Variants in TEKT3 observed in about 807,000 individuals in gnomAD.
TEKT3 encodes the protein tektin-3.
A neutral mutation model predicts 49.8 loss-of-function variants in TEKT3; 49 were observed. The ratio of observed to expected loss-of-function variants is 0.98; its 90% CI spans 0.78 to 1.25. The LOEUF (loss-of-function observed/expected upper bound fraction) is 1.25. TEKT3 is among the 50% of genes most tolerant of loss of function. The pLI is 0.00. For missense variants in TEKT3, 595 were observed against 629.5 expected, an observed-to-expected ratio of 0.95 and a Z score of 0.59; for synonymous variants, 225 against 237.2, an observed-to-expected ratio of 0.95 and a Z score of 0.47.
chr17:15,325,741 G>T (rs182437183), intron 4 of TEKT3, among the ~76,000 whole-genome samples: 14 of 152,314 alleles, frequency 9.2e-5, no homozygotes, highest in African/African-American at 3.1e-4. Flanking sequence ...GAACTGCCTT[G>T]TAATTTATTT....
Position 15,331,264 on chromosome 17 carries a change from G to T in TEKT3, c.322C>A (p.Gln108Lys). Residue 108 changes from glutamine to lysine, a missense_variant, in exon 3 of 9, where the codon CAA becomes AAA. Transcript: ENST00000395930. Reference sequence around the variant, plus strand: ...TTATGTCGGGAAGTGTTGGACTCTTGATAGTTGGTTAAATTGGACCTGTAC... The same window carrying T: ...TTATGTCGGGAAGTGTTGGACTCTTTATAGTTGGTTAAATTGGACCTGTAC... ...DWYRSNLTNYQESNTSRHNSE... is the reference protein window; with the variant it reads ...DWYRSNLTNYKESNTSRHNSE... The T allele has an allele frequency of 1.2e-6, 2 of 1,614,182 alleles. No homozygotes were observed. Among genetic ancestry groups the T allele is most frequent in the South Asian group, 1.1e-5 (1 of 91,090 alleles).
intron 5 of TEKT3, among the ~76,000 whole-genome samples, chr17:15,315,479 G>A (rs1375372758): frequency 6.6e-6 from 1 of 152,072 alleles, no homozygotes; most frequent in Non-Finnish European, 1.5e-5. Flanking sequence ...AGATGAAGGC[G>A]GCTTGGACCA....
upstream of TEKT3, among the ~76,000 whole-genome samples, chr17:15,342,825 G>T (rs1409274326): frequency 2.6e-5 from 4 of 152,154 alleles, no homozygotes; most frequent in African/African-American, 9.7e-5. Context: ...ACTAGACAAG[G>T]CTCCCATACC....
At chr17:15,339,961 G>A (rs552670550) in intron 2 of TEKT3, 67 bp downstream of exon 2, 13 of 152,172 alleles carry the variant, frequency 8.5e-5, no homozygotes, top group African/African-American at 2.4e-4. Context: ...TTCATCGATG[G>A]TATATAAATT....
chr17:15,318,865 G>A (rs892300023), intron 5 of TEKT3, among the ~76,000 whole-genome samples: 3 of 152,100 alleles, frequency 2.0e-5, no homozygotes, highest in Admixed American at 6.5e-5. Context: ...ACATTTATGG[G>A]GTACATGTGA....
chr17:15,308,674 C>G lies in TEKT3; in HGVS notation c.1246G>C (p.Ala416Pro). 6.2e-7 allele frequency: 1 copy of G among 1,607,332 alleles called. No homozygotes were observed. Among genetic ancestry groups the G allele is most frequent in the Non-Finnish European group, 8.5e-7 (1 of 1,175,436 alleles). Residue 416 changes from alanine (A) to proline (P), a missense_variant, in exon 8 of 9, where the codon GCT becomes CCT. By Grantham distance (27) the Ala-to-Pro change is conservative. Transcript: ENST00000395930. ...RPNIELCRDM[A>P]QLRLVNEVHE... ...CCCCTCCCACCTTACCGTAGCTGAG[C>G]CATGTCTCGGCACAACTCAATGTTC...
intron 3 of TEKT3, among the ~76,000 whole-genome samples, chr17:15,328,865 T>C (rs1034132392): frequency 6.6e-6 from 1 of 152,198 alleles, no homozygotes; most frequent in Non-Finnish European, 1.5e-5. Context: ...TTCCATAACA[T>C]AGGACTCCCA....
At chr17:15,317,629 T>A (rs1911065645) in intron 5 of TEKT3, among the ~76,000 whole-genome samples, 1 of 152,164 alleles carries the variant, frequency 6.6e-6, no homozygotes, top group African/African-American at 2.4e-5. Flanking sequence ...ATAACACACA[T>A]AATCACCTCT....
At chr17:15,330,414 G>C (rs149435513) in intron 3 of TEKT3, among the ~76,000 whole-genome samples, 1 of 152,214 alleles carries the variant, frequency 6.6e-6, no homozygotes, top group Non-Finnish European at 1.5e-5. Context: ...TTCATGAATG[G>C]TTTAGCACCG....
At chr17:15,314,398 C>A in intron 5 of TEKT3, 168 bp from the exon 6 acceptor site, 1 of 865,806 alleles carries the variant, frequency 1.2e-6, no homozygotes, top group Admixed American at 2.0e-5. Context: ...TCTGGATATG[C>A]CCATACCTCT....
In TEKT3 at chr17:15,316,416, T is replaced by C. The variant is rs371199216; in HGVS notation, c.735-2186A>G. On this transcript the variant is annotated intron_variant, in intron 5 of 8. Coordinates refer to ENST00000395930, the MANE Select transcript of TEKT3 (RefSeq NM_031898.3). ...TGTCAGGTCTTGGCTGGAACAGTGG[T>C]TGAAAACATATGCCTTGAGAGTGTG... Among the ~76,000 whole-genome samples the C allele has an allele frequency of 6.6e-5, 10 of 152,244 alleles. No individual in the cohort carries two copies. In the East Asian group the frequency reaches 1.5e-3, roughly 24 times the overall value.
intron 8 of TEKT3, among the ~76,000 whole-genome samples, chr17:15,308,043 C>A (rs1002258989): frequency 1.3e-5 from 2 of 152,140 alleles, no homozygotes; most frequent in Non-Finnish European, 2.9e-5. Flanking sequence ...AGGAGCTGTG[C>A]TCGATGAAGA....
chr17:15,324,603 A>T (rs1427980062), intron 4 of TEKT3, among the ~76,000 whole-genome samples: 1 of 152,134 alleles, frequency 6.6e-6, no homozygotes, highest in South Asian at 2.1e-4. Flanking sequence ...GTTATTTTCT[A>T]TATTTTTTAT....
chr17:15,331,387 G>A lies in TEKT3; in HGVS notation c.199C>T (p.Pro67Ser). 6.2e-7 allele frequency: 1 copy of A among 1,614,148 alleles called. No individual in the cohort carries two copies. The change falls in exon 3 of 9, where the codon CCG (proline) becomes TCG (serine). Residue 67 changes from proline (P) to serine (S), a missense_variant. Pro to Ser is a moderately conservative substitution (Grantham distance 74). Transcript: ENST00000395930. ...ACCCTCTGTGATCTGGTGCAGTACGGGGCCACGCTTGGGGAATTGGAGGCG... is the reference window on the plus strand; with the variant it reads ...ACCCTCTGTGATCTGGTGCAGTACGAGGCCACGCTTGGGGAATTGGAGGCG... ...KVASNSPSVA[P>S]YCTRSQRVSE...
At chr17:15,326,432 A>G (rs1911492887) in intron 4 of TEKT3, among the ~76,000 whole-genome samples, 1 of 152,220 alleles carries the variant, frequency 6.6e-6, no homozygotes, top group South Asian at 2.1e-4. Flanking sequence ...TTAGGGAGTC[A>G]AGGAAGAGTT....
rs1345651364 is a variant in TEKT3 at position 15,312,412 on chromosome 17, T to G, written c.948A>C (p.Ala316=). The G allele has an allele frequency of 2.1e-5, 34 of 1,614,124 alleles. No homozygotes were observed. Among genetic ancestry groups the G allele is most frequent in the Non-Finnish European group, 2.7e-5 (32 of 1,180,056 alleles). The change falls in exon 7 of 9, where the codon GCA becomes GCC. Residue 316 remains alanine, a synonymous_variant. Coordinates refer to ENST00000395930, the MANE Select transcript of TEKT3 (RefSeq NM_031898.3). ...DNILRSQSER[A]ASAKLRDDIE... is the part of the protein sequence containing the mutation. ...TGTCGTCTCTTAGCTTAGCGGAAGC[T>G]GCCCGTTCACTCTGGGAGCGGAGAA...
In TEKT3 at chr17:15,304,035, G is replaced by T. The variant is rs909858655; in HGVS notation, c.1374C>A (p.Asp458Glu). Residue 458 changes from aspartate to glutamate, a missense_variant, in exon 9 of 9, where the codon GAC (aspartate) becomes GAA (glutamate). Physicochemically the swap from Asp to Glu is conservative, Grantham distance 45 (BLOSUM62 2). Transcript: ENST00000395930. This position sits in a 1 kb window ranked among gnomAD's most constrained non-coding sequence, Gnocchi z 4.7. ...LVHIKATLEYDLAVKANSLYI... is the reference protein window; with the variant it reads ...LVHIKATLEYELAVKANSLYI... ...ACAGGGAATTGGCTTTGACAGCCAGGTCATACTCGAGTGTGGCTTTGATGT... is the reference window on the plus strand; with the variant it reads ...ACAGGGAATTGGCTTTGACAGCCAGTTCATACTCGAGTGTGGCTTTGATGT... The T allele has an allele frequency of 6.2e-7, 1 of 1,614,020 alleles. No individual in the cohort carries two copies. Among genetic ancestry groups the T allele is most frequent in the Non-Finnish European group, 8.5e-7 (1 of 1,180,044 alleles).
At position 15,327,993 on chromosome 17, in the gene TEKT3, G is replaced by A. The variant is rs143165525; in HGVS notation, c.662C>T (p.Thr221Met). Residue 221 changes from threonine (T) to methionine (M), a missense_variant and splice_region_variant, in exon 4 of 9, where the codon ACG (threonine) becomes ATG (methionine). By Grantham distance (81) the Thr-to-Met change is moderately conservative. Transcript: ENST00000395930. ...VHDEVEAQLL[T>M]EVDTILCCQE... ...CTGATGCATTTCCCCCACATTTACC[G>A]TCAGCAGTTGTGCTTCAACTTCATC... The A allele has an allele frequency of 2.4e-4, 394 of 1,613,208 alleles. 2 individuals carry two copies. The highest frequency in any genetic ancestry group is 2.8e-4 in the Non-Finnish European group (333 of 1,179,388).
At chr17:15,315,750 A>T (rs1910976732) in intron 5 of TEKT3, among the ~76,000 whole-genome samples, 1 of 152,180 alleles carries the variant, frequency 6.6e-6, no homozygotes, top group African/African-American at 2.4e-5. Flanking sequence ...GACATGAAGG[A>T]GGTTGTTGGA....
Sources: allele counts gnomAD v4.1 joint callset (sites outside exome capture counted in the v4.1 genomes callset), GRCh38; gene constraint gnomAD v4.1.1; non-coding constraint Gnocchi (gnomAD v3.1); transcripts MANE v1.5; gene names NCBI Gene and HGNC (gene_info 2026-07-23, HGNC 2026-07-21).